The following BICD1 variants were observed in gnomAD, a reference collection of about 807,000 sequenced individuals.
BICD1 encodes protein bicaudal D homolog 1.
A neutral mutation model predicts 92.5 loss-of-function variants in BICD1; 35 were observed. That is an observed-to-expected ratio of 0.38 (90% CI 0.29 to 0.50). The LOEUF (loss-of-function observed/expected upper bound fraction) is 0.50, where lower values mean the gene tolerates loss of function less well. Among genes scored for constraint, BICD1 ranks in the 20% least tolerant of loss-of-function variants. The probability of loss-of-function intolerance (pLI) is 0.93; values close to 1 mark genes in which losing one functional copy is unlikely to be tolerated. For missense variants in BICD1, 950 were observed against 1,189.8 expected, an observed-to-expected ratio of 0.80 and a Z score of 2.97; for synonymous variants, 429 against 465.1, an observed-to-expected ratio of 0.92 and a Z score of 1.00.
intron 1 of BICD1, among the ~76,000 whole-genome samples, chr12:32,200,198 T>C (rs190496690): frequency 1.3e-5 from 2 of 152,314 alleles, no homozygotes; most frequent in East Asian, 3.9e-4. Flanking sequence ...CACTTCTGCT[T>C]ACACTTCCTT....
chr12:32,380,808 C>T lies in BICD1; in HGVS notation c.*3181C>T, dbSNP rs554767577. 17 of 151,872 alleles carry T rather than the reference C, an allele frequency of 1.1e-4. No individual in the cohort carries two copies. Among genetic ancestry groups the T allele is most frequent in the African/African-American group, 3.4e-4 (14 of 41,424 alleles). 9.4% of individuals were successfully genotyped at this position (151,872 alleles called of 1,614,324 possible). A position where few individuals can be genotyped will look rare whatever the true frequency, so the allele number is the denominator to read the frequency against. On this transcript the variant is annotated 3_prime_UTR_variant, in exon 10 of 10. Coordinates refer to ENST00000652176, the MANE Select transcript of BICD1 (RefSeq NM_001714.4). ...ACTTTAGTCTAACGAAGAGGAGGTA[C>T]AATAGTAGTCTTCAAGAAAAGAATA... is the stretch of plus-strand genomic sequence containing the variant.
intron 2 of BICD1, among the ~76,000 whole-genome samples, chr12:32,222,702 A>G (rs1316136443): frequency 6.6e-6 from 1 of 152,240 alleles, no homozygotes; most frequent in Non-Finnish European, 1.5e-5. Context: ...TCAATGTGAT[A>G]ATATTAAGAA....
intron 1 of BICD1, among the ~76,000 whole-genome samples, chr12:32,120,289 CA>C (rs1402786873): frequency 4.6e-5 from 7 of 152,098 alleles, no homozygotes; most frequent in African/African-American, 1.7e-4. Flanking sequence ...GCACTACTCT[CA>C]AATGTAATAT....
intron 9 of BICD1, chr12:32,368,116 G>T (rs325436): frequency 1.1e-5 from 2 of 185,408 alleles, no homozygotes; most frequent in South Asian, 1.4e-4. Context: ...TATTTTCCTG[G>T]GGAATCTGAG....
chr12:32,294,110 A>G lies in BICD1; in HGVS notation c.543A>G (p.Thr181=), dbSNP rs199678143. ...CTGAATTGGAAGAAGAAAATATCAC[A>G]TTGCAGAAACTAGTGTCCACGTTGA... is the stretch of plus-strand genomic sequence containing the variant. ...DYTELEEENI[T]LQKLVSTLKQ... The change falls in exon 3 of 10, where the codon ACA becomes ACG. Residue 181 remains threonine, a synonymous_variant. Coordinates refer to ENST00000652176, the MANE Select transcript of BICD1 (RefSeq NM_001714.4). 1.1e-5 allele frequency: 17 copies of G among 1,608,062 alleles called. No individual in the cohort carries two copies. The highest frequency in any genetic ancestry group is 1.6e-4 in the Middle Eastern group (1 of 6,076).
chr12:32,113,873 ATAAT>A (rs772649304), intron 1 of BICD1, among the ~76,000 whole-genome samples: 248 of 150,770 alleles, frequency 1.6e-3, no homozygotes, highest in Middle Eastern at 7.0e-3. Flanking sequence ...CCATGCCTGA[ATAAT>A]TTTTTTTTTT....
At chr12:32,323,177 A>C (rs1948699402) in intron 4 of BICD1, among the ~76,000 whole-genome samples, 1 of 152,246 alleles carries the variant, frequency 6.6e-6, no homozygotes, top group African/African-American at 2.4e-5. Context: ...CAAATTCATC[A>C]TCACCTCTGG....
At chr12:32,297,398 T>C (rs1412653771) in intron 3 of BICD1, among the ~76,000 whole-genome samples, 1 of 152,064 alleles carries the variant, frequency 6.6e-6, no homozygotes, top group Non-Finnish European at 1.5e-5. Flanking sequence ...GGTTTTGCCA[T>C]GTTGCCCTCC....
chr12:32,205,270 C>G (rs943348900), intron 1 of BICD1, among the ~76,000 whole-genome samples: 1 of 152,080 alleles, frequency 6.6e-6, no homozygotes, highest in African/African-American at 2.4e-5. Context: ...GTCCCTTCAA[C>G]TGAGAATATT....
Position 32,378,179 on chromosome 12 carries a change from T to C in BICD1, c.*552T>C, listed in dbSNP as rs1940053570. On this transcript the variant is annotated 3_prime_UTR_variant, in exon 10 of 10. Transcript: ENST00000652176. ...TTTGAATTTAGTTTGAAATCTGGAA[T>C]TGGCCAGACTGTGGTCATTTTTCTT... 6.6e-6 allele frequency: 1 copy of C among 152,402 alleles called. No homozygotes were observed. Among genetic ancestry groups the C allele is most frequent in the African/African-American group, 2.4e-5 (1 of 41,464 alleles). The allele number at this position is 152,402 out of a possible 1,614,324, so 9.4% of individuals were successfully genotyped here.
At chr12:32,194,517 T>C (rs906544683) in intron 1 of BICD1, among the ~76,000 whole-genome samples, 5 of 152,186 alleles carry the variant, frequency 3.3e-5, no homozygotes, top group Admixed American at 6.5e-5. Flanking sequence ...CATACAAATA[T>C]TAGTTGCATT....
intron 1 of BICD1, among the ~76,000 whole-genome samples, chr12:32,201,393 C>T (rs1303481539): frequency 6.6e-6 from 1 of 152,064 alleles, no homozygotes; most frequent in African/African-American, 2.4e-5. Flanking sequence ...TAGACTTCTT[C>T]ATACAATGTA....
chr12:32,291,546 A>G (rs955496818), intron 2 of BICD1, among the ~76,000 whole-genome samples: 5 of 150,762 alleles, frequency 3.3e-5, no homozygotes, highest in African/African-American at 9.8e-5. Context: ...AAAAATATAT[A>G]TTAAATTTGT....
intron 1 of BICD1, among the ~76,000 whole-genome samples, chr12:32,120,895 GAAAAAA>G (rs757230402): frequency 1.5e-3 from 37 of 24,768 alleles, no homozygotes; most frequent in African/African-American, 0.011. Context: ...GAGAGAGAGA[GAAAAAA>G]AAAAGGAAAA....
chr12:32,330,354 C>T (rs978148080), intron 5 of BICD1, among the ~76,000 whole-genome samples: 1 of 146,046 alleles, frequency 6.8e-6, no homozygotes, highest in African/African-American at 2.6e-5. Flanking sequence ...AGTTCTCGCT[C>T]ATAGGTGGGA....
intron 1 of BICD1, among the ~76,000 whole-genome samples, chr12:32,123,611 G>A (rs867197831): frequency 3.5e-4 from 53 of 152,198 alleles, no homozygotes; most frequent in African/African-American, 1.2e-3. Context: ...GCACAGTGGC[G>A]CACGCCGGTA....
chr12:32,353,332 C>T (rs928536005), intron 8 of BICD1: 62 of 151,972 alleles, frequency 4.1e-4, no homozygotes, highest in African/African-American at 1.2e-3. Context: ...GTTATACTTA[C>T]GGTTTAATTT....
chr12:32,223,519 A>T (rs792852), intron 2 of BICD1, among the ~76,000 whole-genome samples: 58,026 of 133,590 alleles, frequency 0.43, 11,153 homozygotes, highest in South Asian at 0.52. Flanking sequence ...TTTGTCTCAA[A>T]AAAAAAAAAA....
chr12:32,171,583 T>C (rs1168149489), intron 1 of BICD1, among the ~76,000 whole-genome samples: 1 of 152,196 alleles, frequency 6.6e-6, no homozygotes, highest in African/African-American at 2.4e-5. Context: ...CTGCTATGAC[T>C]GAGATGGCAA....
Sources: allele counts gnomAD v4.1 joint callset (sites outside exome capture counted in the v4.1 genomes callset), GRCh38; gene constraint gnomAD v4.1.1; transcripts MANE v1.5; gene names NCBI Gene and HGNC (gene_info 2026-07-23, HGNC 2026-07-21).